Variants in ATF7IP2 observed in about 807,000 individuals in gnomAD.
ATF7IP2 encodes activating transcription factor 7-interacting protein 2.
ATF7IP2 carries 42 observed loss-of-function variants against 64.2 expected under a neutral mutation model. That is an observed-to-expected ratio of 0.65 (90% CI 0.51 to 0.85). ATF7IP2 has a LOEUF of 0.85. Ranked by LOEUF, ATF7IP2 falls within the 40% of genes least tolerant of loss-of-function variation. The pLI, the probability that ATF7IP2 is intolerant of heterozygous loss-of-function variation, is 0.00. For missense variants in ATF7IP2, 933 were observed against 784.2 expected (o/e 1.19, Z -2.27); for synonymous variants, 308 against 272.8 (o/e 1.13, Z -1.27).
chr16:10,423,564 T>G (rs530246576), intron 3 of ATF7IP2, among the ~76,000 whole-genome samples: 12 of 152,216 alleles, frequency 7.9e-5, no homozygotes, highest in African/African-American at 2.6e-4. Context: ...GCCCAAACAG[T>G]TACTGGGGCA....
Position 10,457,411 on chromosome 16 carries a change from G to T in ATF7IP2, c.1234G>T (p.Glu412Ter), listed in dbSNP as rs1387785169. The change falls in exon 9 of 14, where the codon GAG becomes TAG. Residue 412 changes from glutamate (E) to a stop codon, truncating the protein, a stop_gained. Transcript: ENST00000562102. LOFTEE classifies it high-confidence loss of function. ...GGCTATGATTTTGGATAAGAATCTT[G>T]AGTCAGTTAATAGTCCAATTGAAAA... ...SEAMILDKNL[E>*]SVNSPIEKSS... The T allele has an allele frequency of 1.2e-6, 2 of 1,607,652 alleles. No homozygotes were observed. The highest frequency in any genetic ancestry group is 1.7e-6 in the Non-Finnish European group (2 of 1,178,002).
intron 1 of ATF7IP2, among the ~76,000 whole-genome samples, chr16:10,409,488 T>C (rs1319183497): frequency 1.3e-5 from 1 of 75,714 alleles, no homozygotes; most frequent in Admixed American, 1.3e-4. Flanking sequence ...ATTTAAATCC[T>C]TGATCCATTT....
chr16:10,477,811 G>T (rs1242132672), intron 12 of ATF7IP2, among the ~76,000 whole-genome samples: 2 of 152,068 alleles, frequency 1.3e-5, no homozygotes, highest in Admixed American at 6.6e-5. Context: ...AAAGTCTCAG[G>T]ATACAAAATC....
intron 3 of ATF7IP2, among the ~76,000 whole-genome samples, chr16:10,426,732 C>A (rs1361173508): frequency 1.3e-5 from 2 of 151,626 alleles, no homozygotes; most frequent in Non-Finnish European, 2.9e-5. Context: ...AAACTTTAAC[C>A]ATAAAAGAAA....
At chr16:10,462,421 C>G (rs1044380865) in intron 9 of ATF7IP2, among the ~76,000 whole-genome samples, 1 of 151,860 alleles carries the variant, frequency 6.6e-6, no homozygotes, top group Non-Finnish European at 1.5e-5. Context: ...AGTTTTTATC[C>G]GGAAATGACT....
At chr16:10,402,328 C>T (rs1429612194) in intron 1 of ATF7IP2, among the ~76,000 whole-genome samples, 1 of 151,622 alleles carries the variant, frequency 6.6e-6, no homozygotes, top group Admixed American at 6.6e-5. Flanking sequence ...TTCATTTTTA[C>T]AATGACTCAG....
At chr16:10,396,427 C>G (rs147314427) in intron 1 of ATF7IP2, among the ~76,000 whole-genome samples, 2 of 152,064 alleles carry the variant, frequency 1.3e-5, no homozygotes, top group Non-Finnish European at 2.9e-5. Context: ...CCTATGCTGT[C>G]GGGGTCATAT....
At chr16:10,426,778 A>G (rs1460450203) in intron 3 of ATF7IP2, among the ~76,000 whole-genome samples, 1 of 152,214 alleles carries the variant, frequency 6.6e-6, no homozygotes, top group Non-Finnish European at 1.5e-5. Context: ...AAAATTAGGA[A>G]GAGCCTAATA....
chr16:10,457,255 G>A (rs2049201123), intron 8 of ATF7IP2, 117 bp from the exon 9 acceptor site: 3 of 842,616 alleles, frequency 3.6e-6, no homozygotes, highest in Non-Finnish European at 5.5e-6. Flanking sequence ...AAATACATGT[G>A]ATTTAACTTA....
At chr16:10,464,784 A>G (rs184691047) in intron 9 of ATF7IP2, among the ~76,000 whole-genome samples, 239 of 152,310 alleles carry the variant, frequency 1.6e-3, no homozygotes, top group Non-Finnish European at 2.4e-3. Flanking sequence ...AGTTACTACT[A>G]TTTTGCATGT....
intron 9 of ATF7IP2, among the ~76,000 whole-genome samples, chr16:10,469,246 T>C (rs1485357868): frequency 6.6e-6 from 1 of 151,882 alleles, no homozygotes; most frequent in African/African-American, 2.4e-5. Flanking sequence ...GAAAGAGGTA[T>C]AGAAAATGTT....
intron 3 of ATF7IP2, among the ~76,000 whole-genome samples, chr16:10,420,502 T>A (rs948708926): frequency 6.6e-6 from 1 of 152,200 alleles, no homozygotes; most frequent in African/African-American, 2.4e-5. Context: ...TATACCTGCG[T>A]TTGAGACCAG....
intron 3 of ATF7IP2, among the ~76,000 whole-genome samples, chr16:10,427,698 T>G (rs1365358549): frequency 6.6e-6 from 1 of 151,964 alleles, no homozygotes; most frequent in Non-Finnish European, 1.5e-5. Flanking sequence ...TCCACAGAAT[T>G]TTTTTTACAA....
rs924906627 is a variant in ATF7IP2, at chr16:10,426,821, C to T, written c.-159-2047C>T. On this transcript the variant is annotated intron_variant, in intron 3 of 13. Coordinates refer to ENST00000562102, the MANE Select transcript of ATF7IP2 (RefSeq NM_001393719.1). The stretch of plus-strand genomic sequence containing the variant: ...TGTAACTCATATAACAAAGGATTGA[C>T]AAGGAATATGTTTTTGGTTTTTGGT... Among the ~76,000 whole-genome samples the T allele has an allele frequency of 2.6e-5, 4 of 151,770 alleles. No homozygotes were observed. The East Asian group carries it at 5.8e-4, about 22-fold the overall frequency.
chr16:10,459,813 C>A (rs2049314144), intron 9 of ATF7IP2, among the ~76,000 whole-genome samples: 1 of 152,062 alleles, frequency 6.6e-6, no homozygotes, highest in African/African-American at 2.4e-5. Flanking sequence ...AAATTATCTA[C>A]AGAATCCCTA....
chr16:10,422,938 G>T (rs2048014979), intron 3 of ATF7IP2, among the ~76,000 whole-genome samples: 1 of 152,154 alleles, frequency 6.6e-6, no homozygotes, highest in Non-Finnish European at 1.5e-5. Context: ...GTATGTACTT[G>T]CATTCCTTTT....
intron 8 of ATF7IP2, chr16:10,445,898 C>T (rs1428874035): frequency 6.6e-6 from 1 of 152,150 alleles, no homozygotes; most frequent in Non-Finnish European, 1.5e-5. Context: ...CGAAATTTTT[C>T]CAAAAGTGTG....
chr16:10,468,553 G>A (rs1215090454), intron 9 of ATF7IP2, among the ~76,000 whole-genome samples: 1 of 152,212 alleles, frequency 6.6e-6, no homozygotes, highest in Non-Finnish European at 1.5e-5. Flanking sequence ...CAGGGATGGA[G>A]GAGGGATTCC....
chr16:10,473,681 C>A, intron 11 of ATF7IP2, 147 bp downstream of exon 11: 1 of 675,552 alleles, frequency 1.5e-6, no homozygotes, highest in Non-Finnish European at 2.6e-6. Context: ...TAATTCATAA[C>A]GATACTCATT....
Sources: allele counts gnomAD v4.1 joint callset (sites outside exome capture counted in the v4.1 genomes callset), GRCh38; gene constraint gnomAD v4.1.1; transcripts MANE v1.5; gene names NCBI Gene and HGNC (gene_info 2026-07-23, HGNC 2026-07-21).